PRIM2: variants seen among roughly 807,000 people sequenced by gnomAD.
The protein encoded by PRIM2 is DNA primase subunit 2.
PRIM2 carries 39 observed loss-of-function variants against 67.3 expected under a neutral mutation model. That is an observed-to-expected ratio of 0.58 (90% CI 0.45 to 0.76). The LOEUF (loss-of-function observed/expected upper bound fraction) is 0.76, where lower values mean the gene tolerates loss of function less well. Ranked by LOEUF, PRIM2 falls within the 30% of genes least tolerant of loss-of-function variation. The pLI is 0.00. For synonymous variants in PRIM2, 143 were observed against 198.7 expected, an observed-to-expected ratio of 0.72 and a Z score of 2.36; for missense variants, 398 against 598.7, an observed-to-expected ratio of 0.66 and a Z score of 3.50.
chr6:57,600,366 T>G (rs1776442092), intron 10 of PRIM2, among the ~76,000 whole-genome samples: 1 of 150,306 alleles, frequency 6.7e-6, no homozygotes, highest in Admixed American at 6.7e-5. Context: ...TTATTATTAT[T>G]ATTATATTTT....
At chr6:57,593,373 G>A (rs1776315100) in intron 10 of PRIM2, among the ~76,000 whole-genome samples, 1 of 151,730 alleles carries the variant, frequency 6.6e-6, no homozygotes, top group Non-Finnish European at 1.5e-5. Context: ...CGCAATCTTG[G>A]CTCACTGCAA....
intron 5 of PRIM2, among the ~76,000 whole-genome samples, chr6:57,335,825 G>T (rs1181342321): frequency 6.6e-6 from 1 of 152,204 alleles, no homozygotes; most frequent in Non-Finnish European, 1.5e-5. Context: ...AAGGAACGCA[G>T]TTCCTCACCA....
chr6:57,485,684 A>AT (rs1773737916), intron 7 of PRIM2, among the ~76,000 whole-genome samples: 1 of 152,208 alleles, frequency 6.6e-6, no homozygotes, highest in Admixed American at 6.5e-5. Context: ...TCCACATATC[A>AT]TTATCAATGG....
At chr6:57,381,142 G>A (rs933385129) in intron 6 of PRIM2, among the ~76,000 whole-genome samples, 8 of 152,160 alleles carry the variant, frequency 5.3e-5, no homozygotes, top group South Asian at 2.1e-4. Flanking sequence ...TTGACTTTCC[G>A]TGTGTGCCCA....
At chr6:57,486,304 G>T (rs1269096272) in intron 7 of PRIM2, among the ~76,000 whole-genome samples, 1 of 152,336 alleles carries the variant, frequency 6.6e-6, no homozygotes, top group East Asian at 1.9e-4. Flanking sequence ...CGTTAAGCTT[G>T]TGGGGGTTAT....
chr6:57,318,704 A>G (rs1309602256), intron 2 of PRIM2, 105 bp downstream of exon 2: 1 of 932,016 alleles, frequency 1.1e-6, no homozygotes, highest in Non-Finnish European at 1.6e-6. Context: ...AATCCATTCA[A>G]CAAGTATTTA....
the PRIM2 span, among the ~76,000 whole-genome samples, chr6:57,291,252 G>A: frequency 6.6e-6 from 1 of 152,186 alleles, no homozygotes; most frequent in Non-Finnish European, 1.5e-5. Context: ...AAATCTAGAA[G>A]AAATGGATGA....
intron 9 of PRIM2, among the ~76,000 whole-genome samples, chr6:57,536,529 A>G (rs1775006618): frequency 6.6e-6 from 1 of 152,252 alleles, no homozygotes. Flanking sequence ...ATGTTCACAT[A>G]AAAACCTCTT....
chr6:57,345,474 A>ATGTGTGTGTGTGTGTGTGTGTGTG (rs754685184), intron 5 of PRIM2, among the ~76,000 whole-genome samples: 2 of 124,586 alleles, frequency 1.6e-5, no homozygotes, highest in African/African-American at 6.4e-5. Flanking sequence ...ATATATATAT[A>ATGTGTGTGTGTGTGTGTGTGTGTG]TGTGTGTGTG....
At chr6:57,502,932 G>A (rs1303682277) in intron 7 of PRIM2, among the ~76,000 whole-genome samples, 3 of 152,124 alleles carry the variant, frequency 2.0e-5, no homozygotes, top group African/African-American at 7.2e-5. Flanking sequence ...ATTCCATTTA[G>A]CTGGAAATGA....
At chr6:57,514,118 C>T (rs1318370460) in intron 8 of PRIM2, among the ~76,000 whole-genome samples, 2 of 152,174 alleles carry the variant, frequency 1.3e-5, no homozygotes, top group Non-Finnish European at 2.9e-5. Flanking sequence ...AAGGCATCTT[C>T]CTTCAGTTGG....
the PRIM2 span, among the ~76,000 whole-genome samples, chr6:57,224,531 C>T: frequency 1.3e-5 from 2 of 151,588 alleles, no homozygotes; most frequent in East Asian, 1.9e-4. Flanking sequence ...GATGGTTGCA[C>T]AACGATGTGA....
chr6:57,253,548 C>T, the PRIM2 span, among the ~76,000 whole-genome samples: 1 of 151,500 alleles, frequency 6.6e-6, no homozygotes, highest in African/African-American at 2.4e-5. Context: ...CTGCTCCCAC[C>T]CTTCAGCACT....
chr6:57,247,418 A>G, the PRIM2 span, among the ~76,000 whole-genome samples: 2,819 of 152,326 alleles, frequency 0.019, 92 homozygotes, highest in African/African-American at 0.064. Context: ...ATAATTATCC[A>G]TCAATGAGTA....
chr6:57,450,557 G>A (rs1654901068), intron 7 of PRIM2, among the ~76,000 whole-genome samples: 1 of 152,206 alleles, frequency 6.6e-6, no homozygotes, highest in Admixed American at 6.5e-5. Flanking sequence ...GTATGCTCTT[G>A]AGCTTCTCAG....
intron 1 of PRIM2, among the ~76,000 whole-genome samples, chr6:57,318,161 A>G (rs1233960539): frequency 1.3e-5 from 2 of 152,188 alleles, no homozygotes; most frequent in African/African-American, 2.4e-5. Context: ...AGCAGGCAAC[A>G]TCACCTGACT....
chr6:57,462,798 A>G (rs1180946158), intron 7 of PRIM2, among the ~76,000 whole-genome samples: 1 of 152,204 alleles, frequency 6.6e-6, no homozygotes, highest in Non-Finnish European at 1.5e-5. Context: ...CTCTGATGTT[A>G]GTTCTTCAGT....
At position 57,390,962 on chromosome 6, in the gene PRIM2, A is replaced by G. The variant is rs959375105; in HGVS notation, c.693+8794A>G. ...TTTTAGCTCTTTGAGGAATCAGTAT[A>G]CTGCTTTCCACATTGGTTGAACTAA... On this transcript the variant is annotated intron_variant, in intron 7 of 13. Transcript: ENST00000615550. Among the ~76,000 whole-genome samples the G allele has an allele frequency of 2.8e-4, 42 of 152,284 alleles. 1 individual carries two copies. The highest frequency in any genetic ancestry group is 5.3e-4 in the Non-Finnish European group (36 of 68,026).
the PRIM2 span, among the ~76,000 whole-genome samples, chr6:57,270,111 C>T: frequency 0.28 from 42,765 of 150,522 alleles, 6,651 homozygotes; most frequent in East Asian, 0.61. Flanking sequence ...CTTGGCGATG[C>T]GGGCTCTTTT....
Sources: allele counts gnomAD v4.1 joint callset (sites outside exome capture counted in the v4.1 genomes callset), GRCh38; gene constraint gnomAD v4.1.1; transcripts MANE v1.5; gene names NCBI Gene and HGNC (gene_info 2026-07-23, HGNC 2026-07-21).